Variants in FAT1 observed in about 807,000 individuals in gnomAD.
FAT1 encodes the protein FAT atypical cadherin 1, also known as protocadherin Fat 1.
In FAT1, 171 loss-of-function variants were observed where a neutral mutation model predicts 329.8. That is an observed-to-expected ratio of 0.52 (90% confidence interval 0.46 to 0.59). The LOEUF is 0.59. Among genes scored for constraint, FAT1 ranks in the 20% least tolerant of loss-of-function variants. The pLI is 0.00. For missense variants in FAT1, 5,672 were observed against 5,774.4 expected (o/e 0.98, Z 0.57); for synonymous variants, 2,233 against 2,228.6 (o/e 1.00, Z -0.06).
Position 186,636,910 on chromosome 4 carries a change from G to A in FAT1, c.3647C>T (p.Thr1216Ile), listed in dbSNP as rs1277825339. ...EQQDEHILEV[T>I]VTDNGSPPKS... ...GGGGGGACTACCATTGTCTGTCACA[G>A]TAACCTGTTTTTTTAAAGTTAACAG... The change falls in exon 5 of 27, where the codon ACT becomes ATT. Residue 1216 changes from threonine to isoleucine, a missense_variant. Physicochemically the swap from Thr to Ile is moderately conservative, Grantham distance 89. Around this residue, in one of 2 missense-constraint regions of FAT1, gnomAD observed 3,966 missense variants for 3,915.2 expected, o/e 1.01. Transcript: ENST00000441802. 1 of 1,595,764 alleles carries A rather than the reference G, an allele frequency of 6.3e-7. No homozygotes were observed. The highest frequency in any genetic ancestry group is 1.8e-5 in the Admixed American group (1 of 55,242).
In FAT1 at chr4:186,598,022, G is replaced by A. The variant is rs757467460; in HGVS notation, c.12207C>T (p.Val4069=). ...KPCLYGGTCV[V]DNGGFVCQCR... ...ACTGGCAAACAAAGCCTCCGTTGTC[G>A]ACAACACACGTGCCCCCATAGAGGC... Residue 4069 remains valine (V), a synonymous_variant, in exon 23 of 27, where the codon GTC becomes GTT. Transcript: ENST00000441802. 58 of 1,613,514 alleles carry A rather than the reference G, an allele frequency of 3.6e-5. No homozygotes were observed. The highest frequency in any genetic ancestry group is 1.0e-4 in the Admixed American group (6 of 59,912).
chr4:186,596,887 T>A lies in FAT1; in HGVS notation c.12653A>T (p.Asp4218Val). 6.2e-7 allele frequency: 1 copy of A among 1,614,014 alleles called. No individual in the cohort carries two copies. Residue 4218 changes from aspartate (D) to valine (V), a missense_variant, in exon 25 of 27, where the codon GAC (aspartate) becomes GTC (valine). Physicochemically the swap from Asp to Val is radical, Grantham distance 152. Coordinates refer to ENST00000441802, the MANE Select transcript of FAT1 (RefSeq NM_005245.4). This position sits in a 1 kb window ranked among gnomAD's most constrained non-coding sequence, Gnocchi z 4.7. ...RKKKHQAEPK[D>V]KHLGPATAFL... ...AGCCGTAGCGGGTCCCAGGTGCTTGTCTTTAGGTTCAGCCTGATGCTTCTT... is the reference window on the plus strand; with the variant it reads ...AGCCGTAGCGGGTCCCAGGTGCTTGACTTTAGGTTCAGCCTGATGCTTCTT...
intron 9 of FAT1, among the ~76,000 whole-genome samples, chr4:186,623,661 T>C (rs983109675): frequency 6.6e-5 from 10 of 152,160 alleles, no homozygotes; most frequent in African/African-American, 2.2e-4. Context: ...TCTGCAAAAC[T>C]TGCTCCCTGC....
At chr4:186,676,191 T>C (rs1742949744) in intron 2 of FAT1, among the ~76,000 whole-genome samples, 1 of 152,106 alleles carries the variant, frequency 6.6e-6, no homozygotes, top group Non-Finnish European at 1.5e-5. Context: ...AAACAAATCC[T>C]TTCTTCAGTT....
chr4:186,639,701 A>AT (rs779637094), intron 4 of FAT1, 21 bp downstream of exon 4: 2 of 1,556,226 alleles, frequency 1.3e-6, no homozygotes, highest in Admixed American at 3.6e-5. Flanking sequence ...TTTAAGTATT[A>AT]AAGATAAAAA....
At chr4:186,706,168 GT>G in intron 2 of FAT1, among the ~76,000 whole-genome samples, 1 of 152,328 alleles carries the variant, frequency 6.6e-6, no homozygotes, top group Admixed American at 6.5e-5. Flanking sequence ...GGTAGCAGTA[GT>G]TGTTCTAAGT....
intron 2 of FAT1, among the ~76,000 whole-genome samples, chr4:186,691,559 G>A (rs1029162055): frequency 2.0e-5 from 3 of 152,156 alleles, no homozygotes; most frequent in Admixed American, 1.3e-4. Flanking sequence ...TCAGCGCTTT[G>A]GGAGGCCAAG....
rs2126697989 is a variant in FAT1 at position 186,708,647 on chromosome 4, G to A, written c.1181C>T (p.Ala394Val). Residue 394 changes from alanine (A) to valine (V), a missense_variant, in exon 2 of 27, where the codon GCT becomes GTT. Ala to Val is a moderately conservative substitution (Grantham distance 64). Transcript: ENST00000441802. ...TPVVMVKAIPAYSHLRYVFKS... is the reference protein window; with the variant it reads ...TPVVMVKAIPVYSHLRYVFKS... ...AAAAACATACCTCAAATGGGAATAA[G>A]CAGGAATGGCCTTTACCATGACCAC... is the stretch of plus-strand genomic sequence containing the variant. 1 of 1,613,920 alleles carries A rather than the reference G, an allele frequency of 6.2e-7. No individual in the cohort carries two copies. Among genetic ancestry groups the A allele is most frequent in the South Asian group, 1.1e-5 (1 of 91,088 alleles).
Position 186,636,928 on chromosome 4 carries a change from G to C in FAT1, c.3643-14C>G. The stretch of plus-strand genomic sequence containing the variant: ...TGTCACAGTAACCTGTTTTTTTAAA[G>C]TTAACAGATTAACATGTTAAGATAT... On this transcript the variant is annotated splice_polypyrimidine_tract_variant and intron_variant, in intron 4 of 26. Coordinates refer to ENST00000441802, the MANE Select transcript of FAT1 (RefSeq NM_005245.4). The C allele has an allele frequency of 6.3e-7, 1 of 1,579,918 alleles. No homozygotes were observed. The highest frequency in any genetic ancestry group is 8.6e-7 in the Non-Finnish European group (1 of 1,165,280).
intron 1 of FAT1, among the ~76,000 whole-genome samples, chr4:186,719,880 C>T (rs568167079): frequency 3.3e-5 from 5 of 152,176 alleles, no homozygotes; most frequent in Admixed American, 6.5e-5. Context: ...TTTTGGTATT[C>T]CTGCTTTCTG....
rs767321821 is a variant in FAT1, at chr4:186,619,385, C to T, written c.7201G>A (p.Glu2401Lys). The T allele has an allele frequency of 2.4e-5, 38 of 1,613,840 alleles. No individual in the cohort carries two copies. The highest frequency in any genetic ancestry group is 1.8e-4 in the Admixed American group (11 of 60,006). ...ACGAAATGCCCATGAGGGGCGTGCTCGCTAATTCTGGCTTCATAAATCTGT... is the reference window on the plus strand; with the variant it reads ...ACGAAATGCCCATGAGGGGCGTGCTTGCTAATTCTGGCTTCATAAATCTGT... ...EQQIYEARIS[E>K]HAPHGHFVTC... is the part of the protein sequence containing the mutation. The change falls in exon 10 of 27, where the codon GAG becomes AAG. Residue 2401 changes from glutamate to lysine, a missense_variant. Physicochemically the swap from Glu to Lys is moderately conservative, Grantham distance 56 (BLOSUM62 1). Transcript: ENST00000441802.
intron 16 of FAT1, 64 bp downstream of exon 16, chr4:186,609,118 AC>A: frequency 2.5e-6 from 4 of 1,569,718 alleles, no homozygotes; most frequent in Non-Finnish European, 3.5e-6. Context: ...AGACAAGAGC[AC>A]AAGGCATTTC....
At chr4:186,638,644 CATA>C (rs1740952028) in intron 4 of FAT1, among the ~76,000 whole-genome samples, 1 of 96,392 alleles carries the variant, frequency 1.0e-5, no homozygotes, top group Admixed American at 1.0e-4. Context: ...CACACACACA[CATA>C]CACTGCACAA....
intron 10 of FAT1, among the ~76,000 whole-genome samples, chr4:186,617,497 C>T (rs982343221): frequency 7.2e-5 from 11 of 152,180 alleles, no homozygotes; most frequent in Middle Eastern, 6.8e-3. Flanking sequence ...TCACAAAAAT[C>T]AAAAACAGTC....
chr4:186,702,399 G>C (rs1457164063), intron 2 of FAT1, among the ~76,000 whole-genome samples: 1 of 152,142 alleles, frequency 6.6e-6, no homozygotes, highest in Non-Finnish European at 1.5e-5. Flanking sequence ...CAAATAAGTA[G>C]AGTCAGAAGG....
upstream of FAT1, among the ~76,000 whole-genome samples, chr4:186,724,703 G>A (rs1418937619): frequency 6.6e-6 from 1 of 152,198 alleles, no homozygotes; most frequent in Non-Finnish European, 1.5e-5. This position sits in a 1 kb window ranked among gnomAD's most constrained non-coding sequence, Gnocchi z 5.3. Flanking sequence ...TCCCCGGTGC[G>A]GGCAGGGCTC....
chr4:186,610,641 TATA>T (rs1739377288), intron 14 of FAT1, among the ~76,000 whole-genome samples: 1 of 123,744 alleles, frequency 8.1e-6, no homozygotes, highest in Non-Finnish European at 1.7e-5. Flanking sequence ...ATATAATTTA[TATA>T]ATTTATATAA....
rs754814659 is a variant in FAT1, at chr4:186,663,590, G to T, written c.3289C>A (p.Leu1097Met). ...TAATGGGAGGTCGATTCACGGTCCAGTCGATCTGACGTCTCTATGACACCT... is the reference window on the plus strand; with the variant it reads ...TAATGGGAGGTCGATTCACGGTCCATTCGATCTGACGTCTCTATGACACCT... ...ETGVIETSDRLDRESTSHYWL... is the reference protein window; with the variant it reads ...ETGVIETSDRMDRESTSHYWL... Residue 1097 changes from leucine to methionine, a missense_variant, in exon 3 of 27, where the codon CTG becomes ATG. By Grantham distance (15) the Leu-to-Met change is conservative. Around this residue, in one of 2 missense-constraint regions of FAT1, gnomAD observed 3,966 missense variants for 3,915.2 expected, o/e 1.01. Transcript: ENST00000441802. The T allele has an allele frequency of 4.3e-6, 7 of 1,609,352 alleles. No individual in the cohort carries two copies. In the East Asian group the frequency reaches 1.3e-4, roughly 31 times the overall value.
At chr4:186,591,758 C>T (rs1484321930) in intron 26 of FAT1, among the ~76,000 whole-genome samples, 1 of 152,152 alleles carries the variant, frequency 6.6e-6, no homozygotes, top group Non-Finnish European at 1.5e-5. Context: ...GTAACTATAA[C>T]CATGAACACT....
Sources: allele counts gnomAD v4.1 joint callset (sites outside exome capture counted in the v4.1 genomes callset), GRCh38; gene constraint gnomAD v4.1.1; regional missense constraint gnomAD v4.1.1; non-coding constraint Gnocchi (gnomAD v3.1); transcripts MANE v1.5; gene names NCBI Gene and HGNC (gene_info 2026-07-23, HGNC 2026-07-21).